The following MPO variants were observed in gnomAD, a reference collection of about 807,000 sequenced individuals.
The protein encoded by MPO is myeloperoxidase.
A neutral mutation model predicts 69.4 loss-of-function variants in MPO; 57 were observed. The ratio of observed to expected loss-of-function variants is 0.82; its 90% CI spans 0.66 to 1.02. The LOEUF (loss-of-function observed/expected upper bound fraction) is 1.02, where lower values mean the gene tolerates loss of function less well. MPO is among the 50% of genes least tolerant of loss of function. The pLI, the probability that MPO is intolerant of heterozygous loss-of-function variation, is 0.00. For synonymous variants in MPO, 426 were observed against 417.1 expected, an observed-to-expected ratio of 1.02 and a Z score of -0.26; for missense variants, 971 against 1,014.1, an observed-to-expected ratio of 0.96 and a Z score of 0.58.
At position 58,280,791 on chromosome 17, in the gene MPO, G is replaced by A; in HGVS notation, c.-33C>T. 1 of 1,613,242 alleles carries A rather than the reference G, an allele frequency of 6.2e-7. No individual in the cohort carries two copies. Among genetic ancestry groups the A allele is most frequent in the East Asian group, 2.2e-5 (1 of 44,854 alleles). ...CTCCTGGGCTGCTCAATCCCCCTTT[G>A]TACCTCAGCCCCACCTCAGAGGGCC... On this transcript the variant is annotated 5_prime_UTR_variant, in exon 1 of 12. Transcript: ENST00000225275.
intron 2 of MPO, 67 bp from the exon 3 acceptor site, chr17:58,280,081 C>T: frequency 6.3e-7 from 1 of 1,595,534 alleles, no homozygotes; most frequent in Non-Finnish European, 8.5e-7. Flanking sequence ...AGCCCCAGCC[C>T]AGGGGCAGAC....
Position 58,272,734 on chromosome 17 carries a change from C to T in MPO, c.1792+14G>A. ...GGGAGGTGAGCATCAGGGGAGACTC[C>T]TGCAGCCCCTCACCTGGGAGGCCGT... On this transcript the variant is annotated intron_variant, in intron 10 of 11. Transcript: ENST00000225275. 6.2e-7 allele frequency: 1 copy of T among 1,612,382 alleles called. No homozygotes were observed. The highest frequency in any genetic ancestry group is 8.5e-7 in the Non-Finnish European group (1 of 1,179,424).
chr17:58,270,937 G>A lies in MPO; in HGVS notation c.2031-74C>T, dbSNP rs1970358558. The A allele has an allele frequency of 6.5e-7, 1 of 1,535,040 alleles. No individual in the cohort carries two copies. The highest frequency in any genetic ancestry group is 9.0e-7 in the Non-Finnish European group (1 of 1,112,322). ...GGCAGGGCATCGATGGGCTTGTGCTGCTCCCAGGATATAACAAAGCCACAA... is the reference window on the plus strand; with the variant it reads ...GGCAGGGCATCGATGGGCTTGTGCTACTCCCAGGATATAACAAAGCCACAA... On this transcript the variant is annotated intron_variant, in intron 11 of 11. Transcript: ENST00000225275. This position sits in a 1 kb window ranked among gnomAD's most constrained non-coding sequence, Gnocchi z 4.1.
chr17:58,270,923 G>T lies in MPO; in HGVS notation c.2031-60C>A. On this transcript the variant is annotated intron_variant, in intron 11 of 11. Coordinates refer to ENST00000225275, the MANE Select transcript of MPO (RefSeq NM_000250.2). The surrounding 1 kb of genome is among the most constrained non-coding windows in gnomAD (Gnocchi z 4.1). ...GGATATTCTGGGCTGGCAGGGCATC[G>T]ATGGGCTTGTGCTGCTCCCAGGATA... 2 of 1,576,776 alleles carry T rather than the reference G, an allele frequency of 1.3e-6. No homozygotes were observed. The highest frequency in any genetic ancestry group is 1.1e-5 in the South Asian group (1 of 89,982).
At chr17:58,271,096 C>A (rs543827200) in intron 11 of MPO, among the ~76,000 whole-genome samples, 1 of 152,184 alleles carries the variant, frequency 6.6e-6, no homozygotes, top group African/African-American at 2.4e-5. Context: ...CCTAGCCCGG[C>A]GGCCTCCAGG....
intron 9 of MPO, 136 bp from the exon 10 acceptor site, chr17:58,273,054 G>T: frequency 3.5e-6 from 4 of 1,127,850 alleles, no homozygotes; most frequent in Non-Finnish European, 5.1e-6. Context: ...TGGTGCCAAG[G>T]TGGTGGCCCC....
At chr17:58,277,737 C>T in intron 7 of MPO, 90 bp downstream of exon 7, 1 of 1,568,630 alleles carries the variant, frequency 6.4e-7, no homozygotes, top group Non-Finnish European at 8.7e-7. Context: ...TCTCTAAGTA[C>T]AAACCCACAA....
chr17:58,279,060 C>T lies in MPO; in HGVS notation c.833G>A (p.Gly278Asp), dbSNP rs754206939. The change falls in exon 6 of 12, where the codon GGC becomes GAC. Residue 278 changes from glycine (G) to aspartate (D), a missense_variant. Gly to Asp is a moderately conservative substitution (Grantham distance 94). Coordinates refer to ENST00000225275, the MANE Select transcript of MPO (RefSeq NM_000250.2). The part of the protein sequence containing the change: ...EPAARASFVT[G>D]VNCETSCVQQ... The stretch of plus-strand genomic sequence containing the variant: ...AACGCAGCTGGTCTCGCAGTTGACG[C>T]CAGTGACGAAGGAGGCCCGGGCGGC... 1.2e-6 allele frequency: 2 copies of T among 1,612,780 alleles called. No homozygotes were observed. The highest frequency in any genetic ancestry group is 1.7e-6 in the Non-Finnish European group (2 of 1,179,616).
rs1021284093 is a variant in MPO, at chr17:58,270,096, C to T, written c.*560G>A. On this transcript the variant is annotated 3_prime_UTR_variant, in exon 12 of 12. Transcript: ENST00000225275. This position sits in a 1 kb window ranked among gnomAD's most constrained non-coding sequence, Gnocchi z 4.1. ...GGCACCACTGGTCCAGCTCTGCTAA[C>T]CAGGACACAGATGGCATCTTGGTAT... The T allele has an allele frequency of 5.5e-6, 1 of 180,246 alleles. No individual in the cohort carries two copies. Among genetic ancestry groups the T allele is most frequent in the Non-Finnish European group, 1.2e-5 (1 of 84,612 alleles). The allele number at this position is 180,246 out of a possible 1,614,324, so 11.2% of individuals were successfully genotyped here.
chr17:58,270,785 G>A lies in MPO; in HGVS notation c.2109C>T (p.Ile703=), dbSNP rs1430111600. ...CGGTGGTGATGCCTGTGTTGTCGCAGATGATCCGGGGCAATGAGATCTGGG... is the reference window on the plus strand; with the variant it reads ...CGGTGGTGATGCCTGTGTTGTCGCAAATGATCCGGGGCAATGAGATCTGGG... The part of the protein sequence containing the change: ...ALAQISLPRI[I]CDNTGITTVS... The change falls in exon 12 of 12, where the codon ATC becomes ATT. Residue 703 remains isoleucine (I), a synonymous_variant. Coordinates refer to ENST00000225275, the MANE Select transcript of MPO (RefSeq NM_000250.2). This position sits in a 1 kb window ranked among gnomAD's most constrained non-coding sequence, Gnocchi z 4.1. 1 of 1,614,118 alleles carries A rather than the reference G, an allele frequency of 6.2e-7. No individual in the cohort carries two copies. Among genetic ancestry groups the A allele is most frequent in the Non-Finnish European group, 8.5e-7 (1 of 1,179,976 alleles).
intron 10 of MPO, 67 bp downstream of exon 10, chr17:58,272,681 G>T (rs543855522): frequency 8.3e-6 from 13 of 1,557,022 alleles, no homozygotes; most frequent in Non-Finnish European, 1.0e-5. Context: ...GGGAAGGGGG[G>T]TGATGGGCTA....
At chr17:58,274,792 C>A (rs1033474942) in intron 8 of MPO, among the ~76,000 whole-genome samples, 7 of 151,548 alleles carry the variant, frequency 4.6e-5, no homozygotes, top group Admixed American at 1.3e-4. Context: ...TGCACTCCAG[C>A]CTGGGCAACA....
At position 58,275,643 on chromosome 17, in the gene MPO, C is replaced by A. The variant is rs1267294495; in HGVS notation, c.1264G>T (p.Glu422Ter). 1 of 1,614,156 alleles carries A rather than the reference C, an allele frequency of 6.2e-7. No individual in the cohort carries two copies. The highest frequency in any genetic ancestry group is 1.1e-5 in the South Asian group (1 of 91,080). Reference protein sequence around the residue: ...LTSMHTLLLREHNRLATELKS... With the variant: ...LTSMHTLLLR The stretch of plus-strand genomic sequence containing the variant: ...AGCTCTGTGGCCAGCCGGTTGTGCT[C>A]CCGAAGTAAGAGGGTGTGCATGGAG... Residue 422 changes from glutamate (E) to a stop codon, truncating the protein, a stop_gained, in exon 8 of 12, where the codon GAG becomes TAG. Transcript: ENST00000225275. LOFTEE classifies it high-confidence loss of function. The surrounding 1 kb of genome is among the most constrained non-coding windows in gnomAD (Gnocchi z 4.1).
At position 58,273,560 on chromosome 17, in the gene MPO, T is replaced by C. The variant is rs748231614; in HGVS notation, c.1475A>G (p.Asn492Ser). The C allele has an allele frequency of 1.5e-5, 24 of 1,614,072 alleles. No individual in the cohort carries two copies. In the East Asian group the frequency reaches 5.3e-4, roughly 36 times the overall value. ...GTAGCGGAAGGCATTGGTGAAGACG[T>C]TGGCGATGCGTGGGTCCACTGAGTC... ...YNDSVDPRIA[N>S]VFTNAFRYGH... The change falls in exon 9 of 12, where the codon AAC becomes AGC. Residue 492 changes from asparagine to serine, a missense_variant. Transcript: ENST00000225275.
At chr17:58,272,036 G>A (rs1175347835) in intron 10 of MPO, 144 bp from the exon 11 acceptor site, 4 of 847,648 alleles carry the variant, frequency 4.7e-6, no homozygotes, top group Non-Finnish European at 5.5e-6. Context: ...CATAGAGGGA[G>A]GGAAGGACCT....
chr17:58,280,542 A>G, intron 1 of MPO, 63 bp downstream of exon 1: 1 of 1,613,974 alleles, frequency 6.2e-7, no homozygotes, highest in East Asian at 2.2e-5. Context: ...TGCTCTGAGA[A>G]AAGGGGTCTC....
chr17:58,273,377 T>C, intron 9 of MPO, 37 bp downstream of exon 9: 1 of 1,613,942 alleles, frequency 6.2e-7, no homozygotes, highest in Non-Finnish European at 8.5e-7. Flanking sequence ...CACCTTTAGC[T>C]GTCAGCCCAC....
intron 8 of MPO, among the ~76,000 whole-genome samples, chr17:58,274,920 A>C (rs944998494): frequency 6.6e-6 from 1 of 152,008 alleles, no homozygotes; most frequent in Admixed American, 6.6e-5. Flanking sequence ...GCTGGAGTGC[A>C]GCAGCGCCAT....
At chr17:58,279,756 G>A in intron 3 of MPO, 83 bp downstream of exon 3, 1 of 1,613,100 alleles carries the variant, frequency 6.2e-7, no homozygotes, top group Non-Finnish European at 8.5e-7. Flanking sequence ...GGAAGAAGTT[G>A]AGGGGATCAC....
Sources: gnomAD v4.1 joint callset for allele counts (sites outside exome capture counted in the v4.1 genomes callset) on GRCh38, gnomAD v4.1.1 for gene constraint, Gnocchi (gnomAD v3.1) non-coding constraint, MANE v1.5 for transcripts, NCBI Gene and HGNC (gene_info 2026-07-23, HGNC 2026-07-21) for gene names.